C10orf90: variants seen among roughly 807,000 people sequenced by gnomAD.
The protein encoded by C10orf90 is (E2-independent) E3 ubiquitin-conjugating enzyme FATS.
Under a neutral mutation model 62.5 loss-of-function variants are expected in C10orf90, and 56 were observed. The observed-to-expected ratio is 0.90, with a 90% CI of 0.72 to 1.12. C10orf90 has a LOEUF of 1.12. Ranked by LOEUF, C10orf90 falls within the 50% of genes most tolerant of loss-of-function variation. C10orf90 has a pLI of 0.00. For missense variants in C10orf90, 970 were observed against 880.4 expected (o/e 1.10, Z -1.29); for synonymous variants, 386 against 340.4 (o/e 1.13, Z -1.47).
chr10:126,462,006 T>C (rs1301587353), intron 5 of C10orf90, among the ~76,000 whole-genome samples: 3 of 152,190 alleles, frequency 2.0e-5, no homozygotes, highest in African/African-American at 7.2e-5. Context: ...TATTCAATTA[T>C]AGAGCCCTCC....
At chr10:126,501,929 G>A (rs915448125) in intron 4 of C10orf90, among the ~76,000 whole-genome samples, 52 of 151,226 alleles carry the variant, frequency 3.4e-4, no homozygotes, top group Non-Finnish European at 7.4e-5. Flanking sequence ...GGTGAGAGGT[G>A]GGCCTAGGGA....
chr10:126,608,839 TA>T (rs1202966244), intron 2 of C10orf90, among the ~76,000 whole-genome samples: 2 of 152,230 alleles, frequency 1.3e-5, no homozygotes, highest in East Asian at 3.8e-4. Context: ...ATTGTTATTT[TA>T]AATGAGTCAA....
chr10:126,599,524 G>C (rs1343953734), intron 2 of C10orf90, among the ~76,000 whole-genome samples: 1 of 151,844 alleles, frequency 6.6e-6, no homozygotes, highest in Non-Finnish European at 1.5e-5. Context: ...TCAATTGATG[G>C]AAAGGCAGAG....
chr10:126,464,568 C>T lies in C10orf90; in HGVS notation c.1825+128G>A, dbSNP rs1013076174. On this transcript the variant is annotated intron_variant, in intron 5 of 9. Transcript: ENST00000488181. The stretch of plus-strand genomic sequence containing the variant: ...CAACCATTTGTCCCCTCTCTGCTCT[C>T]CCAGTTGGAGAAGGGGAGGTTTCAT... 20 of 1,071,478 alleles carry T rather than the reference C, an allele frequency of 1.9e-5. No homozygotes were observed. In the African/African-American group the frequency reaches 2.7e-4, roughly 14 times the overall value. The allele number at this position is 1,071,478 out of a possible 1,614,324, so 66.4% of individuals were successfully genotyped here. A position where few individuals can be genotyped will look rare whatever the true frequency, so the allele number is the denominator to read the frequency against.
chr10:126,483,726 C>G (rs1861280406), intron 4 of C10orf90, among the ~76,000 whole-genome samples: 1 of 152,246 alleles, frequency 6.6e-6, no homozygotes, highest in South Asian at 2.1e-4. Flanking sequence ...TGTCACTTCT[C>G]TCTTAGCAAC....
chr10:126,569,913 A>AAAG (rs1389871971), intron 2 of C10orf90, among the ~76,000 whole-genome samples: 26 of 152,272 alleles, frequency 1.7e-4, no homozygotes, highest in Admixed American at 1.1e-3. Context: ...CAAGCTTAAA[A>AAAG]AAGAAAAGAA....
chr10:126,635,824 G>A (rs1364812219), intron 2 of C10orf90, among the ~76,000 whole-genome samples: 4 of 152,166 alleles, frequency 2.6e-5, no homozygotes, highest in Non-Finnish European at 5.9e-5. Context: ...TCTTCAGAAA[G>A]ATTTCCATTT....
intron 2 of C10orf90, among the ~76,000 whole-genome samples, chr10:126,534,178 G>T (rs114654180): frequency 1.3e-5 from 2 of 152,284 alleles, no homozygotes; most frequent in Admixed American, 1.3e-4. Flanking sequence ...CCTCTGCATT[G>T]CACAGCCAGG....
At chr10:126,547,171 G>A (rs1448778727) in intron 2 of C10orf90, among the ~76,000 whole-genome samples, 2 of 151,970 alleles carry the variant, frequency 1.3e-5, no homozygotes, top group African/African-American at 4.8e-5. Flanking sequence ...TGTAATCCCA[G>A]CACTTTGGGA....
chr10:126,490,012 ATT>A (rs1326015608), intron 4 of C10orf90, among the ~76,000 whole-genome samples: 24 of 75,176 alleles, frequency 3.2e-4, no homozygotes, highest in African/African-American at 6.5e-4. Flanking sequence ...TATTATATAT[ATT>A]ATATATAATA....
chr10:126,467,427 C>A (rs1327488517), intron 4 of C10orf90, among the ~76,000 whole-genome samples: 3 of 152,224 alleles, frequency 2.0e-5, no homozygotes, highest in Non-Finnish European at 2.9e-5. Flanking sequence ...ATGCACTCCA[C>A]GTGCGAGTGG....
intron 2 of C10orf90, among the ~76,000 whole-genome samples, chr10:126,631,634 A>G (rs1042478673): frequency 6.6e-6 from 1 of 151,968 alleles, no homozygotes; most frequent in African/African-American, 2.4e-5. Flanking sequence ...GTGCATAGGA[A>G]GTATTCAGTA....
chr10:126,669,671 T>C (rs776423514), intron 1 of C10orf90, among the ~76,000 whole-genome samples: 4 of 150,734 alleles, frequency 2.7e-5, no homozygotes, highest in Non-Finnish European at 5.9e-5. Context: ...CACTTTGACA[T>C]TTTAAATCTC....
At chr10:126,478,167 C>G (rs923771676) in intron 4 of C10orf90, among the ~76,000 whole-genome samples, 5 of 152,152 alleles carry the variant, frequency 3.3e-5, no homozygotes, top group Non-Finnish European at 7.4e-5. Flanking sequence ...TTGAGAAAGA[C>G]AGAAGGCATT....
chr10:126,630,684 G>C (rs529947307), intron 2 of C10orf90, among the ~76,000 whole-genome samples: 14 of 152,268 alleles, frequency 9.2e-5, no homozygotes, highest in African/African-American at 2.6e-4. Context: ...CCAGTGGCAG[G>C]CCAGGTTTAG....
chr10:126,541,127 T>C (rs1376726501), intron 2 of C10orf90, among the ~76,000 whole-genome samples: 1 of 152,122 alleles, frequency 6.6e-6, no homozygotes, highest in African/African-American at 2.4e-5. Context: ...ATGACAAATG[T>C]ATTACACACA....
At chr10:126,547,116 A>C (rs1864511554) in intron 2 of C10orf90, among the ~76,000 whole-genome samples, 2 of 151,806 alleles carry the variant, frequency 1.3e-5, no homozygotes, top group Admixed American at 1.3e-4. Flanking sequence ...CTCCAACCAC[A>C]ACAACAAAAA....
chr10:126,481,152 T>C (rs895324658), intron 4 of C10orf90, among the ~76,000 whole-genome samples: 1 of 152,222 alleles, frequency 6.6e-6, no homozygotes, highest in Non-Finnish European at 1.5e-5. Flanking sequence ...CTGCAGATCT[T>C]GGCTGAAATG....
chr10:126,588,677 G>C (rs889647258), intron 2 of C10orf90, among the ~76,000 whole-genome samples: 1 of 152,134 alleles, frequency 6.6e-6, no homozygotes, highest in Non-Finnish European at 1.5e-5. Context: ...TAACAAAAAA[G>C]ACTCCACAAA....
Sources: gnomAD v4.1 joint callset for allele counts (sites outside exome capture counted in the v4.1 genomes callset) on GRCh38, gnomAD v4.1.1 for gene constraint, MANE v1.5 for transcripts, NCBI Gene and HGNC (gene_info 2026-07-23, HGNC 2026-07-21) for gene names.